Variants in PTPRN2 observed in about 807,000 individuals in gnomAD.
PTPRN2 encodes protein tyrosine phosphatase receptor type N2, also known as receptor-type tyrosine-protein phosphatase N2.
Under a neutral mutation model 118.8 loss-of-function variants are expected in PTPRN2, and 74 were observed. The observed-to-expected ratio is 0.62, with a 90% CI of 0.52 to 0.76. PTPRN2 has a LOEUF of 0.76. Ranked by LOEUF, PTPRN2 falls within the 30% of genes least tolerant of loss-of-function variation. The pLI is 0.00. For missense variants in PTPRN2, 1,481 were observed against 1,394.4 expected (o/e 1.06, Z -0.99); for synonymous variants, 641 against 608.0 (o/e 1.05, Z -0.80).
At chr7:157,541,373 C>T (rs1234942582) in intron 22 of PTPRN2, among the ~76,000 whole-genome samples, 3 of 152,252 alleles carry the variant, frequency 2.0e-5, no homozygotes, top group Non-Finnish European at 2.9e-5. Context: ...AGGGCATGCG[C>T]GTCCACAGCC....
chr7:158,042,522 T>C (rs1417664086), intron 11 of PTPRN2, among the ~76,000 whole-genome samples: 3 of 152,216 alleles, frequency 2.0e-5, no homozygotes, highest in East Asian at 3.8e-4. Context: ...TGTGAACTAA[T>C]CCTAAATATA....
chr7:158,106,284 T>G (rs979658151), intron 10 of PTPRN2, among the ~76,000 whole-genome samples: 4 of 152,114 alleles, frequency 2.6e-5, no homozygotes, highest in Non-Finnish European at 5.9e-5. Flanking sequence ...CTATCTCATT[T>G]TTATCCTTAT....
At chr7:158,262,398 G>GCA (rs141363725) in intron 3 of PTPRN2, among the ~76,000 whole-genome samples, 1 of 129,262 alleles carries the variant, frequency 7.7e-6, no homozygotes, top group Non-Finnish European at 1.6e-5. Flanking sequence ...CACACACACT[G>GCA]CACACACACA....
chr7:158,220,411 G>A (rs1299374469), intron 3 of PTPRN2, among the ~76,000 whole-genome samples: 2 of 152,026 alleles, frequency 1.3e-5, no homozygotes, highest in Non-Finnish European at 2.9e-5. Context: ...ACTATACATA[G>A]AAACCCCTAA....
At chr7:158,395,261 GC>G (rs1402458590) in intron 2 of PTPRN2, among the ~76,000 whole-genome samples, 15 of 139,582 alleles carry the variant, frequency 1.1e-4, no homozygotes, top group African/African-American at 3.4e-4. Context: ...GGGCACCTGC[GC>G]CCAGGGCTGT....
chr7:157,651,242 C>T (rs951711972), intron 14 of PTPRN2, among the ~76,000 whole-genome samples: 1 of 152,150 alleles, frequency 6.6e-6, no homozygotes, highest in Non-Finnish European at 1.5e-5. Flanking sequence ...TCGTTTTTCA[C>T]GTCTCTGTCA....
rs1357299746 is a variant in PTPRN2 at position 158,003,380 on chromosome 7, C to T, written c.1723+77918G>A. On this transcript the variant is annotated intron_variant, in intron 11 of 22. Transcript: ENST00000389418. This position sits in a 1 kb window ranked among gnomAD's most constrained non-coding sequence, Gnocchi z 5.0. ...AGTGAGCCGAGATCGCGCCACTGCA[C>T]TCCAACCTGGGAGACACAGCGAGAC... Among the ~76,000 whole-genome samples the T allele has an allele frequency of 7.0e-6, 1 of 142,670 alleles. No homozygotes were observed. Among genetic ancestry groups the T allele is most frequent in the African/African-American group, 2.6e-5 (1 of 37,990 alleles). 93.6% of individuals were successfully genotyped at this position (142,670 alleles called of 152,430 possible). A position where few individuals can be genotyped will look rare whatever the true frequency, so the allele number is the denominator to read the frequency against.
chr7:157,576,698 T>A lies in PTPRN2; in HGVS notation c.2698A>T (p.Thr900Ser). The A allele has an allele frequency of 6.2e-7, 1 of 1,610,838 alleles. No homozygotes were observed. The highest frequency in any genetic ancestry group is 8.5e-7 in the Non-Finnish European group (1 of 1,178,336). ...FYLKNLQTNETRTVTQFHFLS... is the reference protein window; with the variant it reads ...FYLKNLQTNESRTVTQFHFLS... ...AAGTGGAACTGCGTCACGGTGCGCG[T>A]CTCGTTGGTCTGCAGGTTCTTCAGA... The change falls in exon 19 of 23, where the codon ACG becomes TCG. Residue 900 changes from threonine (T) to serine (S), a missense_variant. Around this residue, in one of 3 missense-constraint regions of PTPRN2, gnomAD observed 362 missense variants for 384.1 expected, o/e 0.94. Transcript: ENST00000389418.
chr7:158,183,776 C>A (rs2150669227), intron 5 of PTPRN2, among the ~76,000 whole-genome samples: 1 of 152,352 alleles, frequency 6.6e-6, no homozygotes, highest in African/African-American at 2.4e-5. Context: ...CTTTGCTTGG[C>A]TCACAGTGTA....
intron 12 of PTPRN2, among the ~76,000 whole-genome samples, chr7:157,704,374 T>C (rs1798224613): frequency 6.6e-6 from 1 of 152,210 alleles, no homozygotes; most frequent in South Asian, 2.1e-4. Context: ...TTTTCATGGA[T>C]GCCAATGGAA....
At position 157,540,521 on chromosome 7, in the gene PTPRN2, T is replaced by C. The variant is rs1797964847; in HGVS notation, c.*193A>G. 2.3e-6 allele frequency: 1 copy of C among 437,936 alleles called. No individual in the cohort carries two copies. The highest frequency in any genetic ancestry group is 4.2e-5 in the Admixed American group (1 of 23,736). 27.1% of individuals were successfully genotyped at this position (437,936 alleles called of 1,614,324 possible). ...TCCCCTCCACCCGTAACTGGATTTT[T>C]CCACAAATCTCTCTTTATTATTGTT... is the stretch of plus-strand genomic sequence containing the variant. On this transcript the variant is annotated 3_prime_UTR_variant, in exon 23 of 23. Transcript: ENST00000389418.
intron 2 of PTPRN2, among the ~76,000 whole-genome samples, chr7:158,439,175 G>C (rs562113719): frequency 6.6e-6 from 1 of 152,070 alleles, no homozygotes; most frequent in African/African-American, 2.4e-5. Context: ...ATTGATTGAC[G>C]TCTCATGTCT....
intron 11 of PTPRN2, among the ~76,000 whole-genome samples, chr7:158,071,397 C>CTTG (rs1209707234): frequency 4.5e-4 from 22 of 48,412 alleles, no homozygotes; most frequent in South Asian, 8.6e-4. Flanking sequence ...GGTGGAGGTG[C>CTTG]TCGTGGTGGA....
intron 15 of PTPRN2, among the ~76,000 whole-genome samples, chr7:157,614,601 T>C (rs1005875334): frequency 2.6e-5 from 4 of 152,154 alleles, no homozygotes; most frequent in African/African-American, 9.7e-5. Flanking sequence ...GAGTGTGTGA[T>C]AGCAATGGCG....
At chr7:158,279,532 C>T (rs1443586771) in intron 3 of PTPRN2, among the ~76,000 whole-genome samples, 1 of 152,192 alleles carries the variant, frequency 6.6e-6, no homozygotes, top group Non-Finnish European at 1.5e-5. Flanking sequence ...AGAGACCCAC[C>T]ATCATGGCCA....
At chr7:158,067,146 T>C (rs1585317837) in intron 11 of PTPRN2, among the ~76,000 whole-genome samples, 2 of 152,148 alleles carry the variant, frequency 1.3e-5, no homozygotes, top group Admixed American at 1.3e-4. Context: ...GTTAGATGGG[T>C]GGAGGGCAAG....
intron 11 of PTPRN2, among the ~76,000 whole-genome samples, chr7:158,037,896 T>G (rs767757288): frequency 7.9e-5 from 12 of 152,254 alleles, no homozygotes; most frequent in Non-Finnish European, 4.4e-5. Context: ...GTGTCTACTC[T>G]GTACCACAGC....
chr7:158,153,673 C>T (rs1821418321), intron 6 of PTPRN2, among the ~76,000 whole-genome samples: 1 of 152,200 alleles, frequency 6.6e-6, no homozygotes, highest in South Asian at 2.1e-4. Flanking sequence ...CAGGGTCTTG[C>T]AGACCAGGCA....
At chr7:157,906,119 C>T (rs181745208) in intron 11 of PTPRN2, among the ~76,000 whole-genome samples, 6 of 152,350 alleles carry the variant, frequency 3.9e-5, no homozygotes, top group Admixed American at 6.5e-5. Context: ...CAGGATTCCC[C>T]GTGCATGTCA....
Sources: gnomAD v4.1 joint callset for allele counts (sites outside exome capture counted in the v4.1 genomes callset) on GRCh38, gnomAD v4.1.1 for gene constraint, gnomAD v4.1.1 regional missense constraint, Gnocchi (gnomAD v3.1) non-coding constraint, MANE v1.5 for transcripts, NCBI Gene and HGNC (gene_info 2026-07-23, HGNC 2026-07-21) for gene names.